CACNA2D3: variants seen among roughly 807,000 people sequenced by gnomAD.
The protein encoded by CACNA2D3 is voltage-dependent calcium channel subunit alpha-2/delta-3.
A neutral mutation model predicts 160.6 loss-of-function variants in CACNA2D3; 60 were observed. That is an observed-to-expected ratio of 0.37 (90% CI 0.30 to 0.46). CACNA2D3 has a LOEUF of 0.46. CACNA2D3 is among the 20% of genes least tolerant of loss of function. CACNA2D3 has a pLI of 1.00. For missense variants in CACNA2D3, 1,205 were observed against 1,365.0 expected (o/e 0.88, Z 1.85); for synonymous variants, 558 against 492.9 (o/e 1.13, Z -1.75).
At chr3:54,613,137 G>A (rs1698778847) in intron 9 of CACNA2D3, among the ~76,000 whole-genome samples, 1 of 152,172 alleles carries the variant, frequency 6.6e-6, no homozygotes, top group African/African-American at 2.4e-5. Context: ...ACCTCTTACA[G>A]TGTACATTAT....
chr3:54,140,612 G>T (rs1015724895), intron 2 of CACNA2D3, among the ~76,000 whole-genome samples: 1 of 152,214 alleles, frequency 6.6e-6, no homozygotes. Flanking sequence ...TCCAGGCTTC[G>T]TGTTCAGACA....
chr3:54,419,452 A>G (rs1265290294), intron 4 of CACNA2D3, among the ~76,000 whole-genome samples: 3 of 152,240 alleles, frequency 2.0e-5, no homozygotes, highest in African/African-American at 7.2e-5. Flanking sequence ...AACACGAACA[A>G]GAGACTGCTG....
intron 2 of CACNA2D3, among the ~76,000 whole-genome samples, chr3:54,181,727 C>T (rs540639948): frequency 1.3e-3 from 204 of 152,196 alleles, no homozygotes; most frequent in Non-Finnish European, 2.1e-3. Flanking sequence ...ACAATTCTTG[C>T]GAGCTGGCCA....
At position 54,418,817 on chromosome 3, in the gene CACNA2D3, C is replaced by T. The variant is rs143803826; in HGVS notation, c.381+32043C>T. On this transcript the variant is annotated intron_variant, in intron 4 of 37. Transcript: ENST00000474759. ...ATACTGTTTGGTAGAGATGATGATC[C>T]CAGTTTGGGGTAACCTTTATTATTA... Among the ~76,000 whole-genome samples the T allele has an allele frequency of 2.7e-3, 416 of 152,272 alleles. 3 individuals carry two copies. The highest frequency in any genetic ancestry group is 9.0e-3 in the Admixed American group (137 of 15,306).
intron 2 of CACNA2D3, among the ~76,000 whole-genome samples, chr3:54,145,468 T>A (rs998434910): frequency 6.6e-6 from 1 of 152,214 alleles, no homozygotes. Context: ...TTTTTTCTTT[T>A]AGGGAAGTGT....
At chr3:54,914,614 G>T (rs1700623172) in intron 27 of CACNA2D3, among the ~76,000 whole-genome samples, 1 of 152,124 alleles carries the variant, frequency 6.6e-6, no homozygotes, top group Non-Finnish European at 1.5e-5. Flanking sequence ...AAATAAAAAA[G>T]AATCTGAAAG....
At chr3:54,279,694 G>C (rs1189745523) in intron 2 of CACNA2D3, among the ~76,000 whole-genome samples, 2 of 152,150 alleles carry the variant, frequency 1.3e-5, no homozygotes, top group Non-Finnish European at 2.9e-5. Flanking sequence ...GTAGAGCTCT[G>C]GCTTAGTCCT....
intron 27 of CACNA2D3, among the ~76,000 whole-genome samples, chr3:54,907,010 A>G (rs1033069383): frequency 6.6e-6 from 1 of 152,186 alleles, no homozygotes; most frequent in African/African-American, 2.4e-5. Context: ...GAGAAACTGG[A>G]TCCTCTGTGC....
At chr3:54,886,223 C>G (rs1000906346) in intron 23 of CACNA2D3, among the ~76,000 whole-genome samples, 19 of 152,072 alleles carry the variant, frequency 1.2e-4, no homozygotes, top group Non-Finnish European at 1.2e-4. Flanking sequence ...CCACCTCTAA[C>G]AAGCATCATG....
intron 2 of CACNA2D3, among the ~76,000 whole-genome samples, chr3:54,163,947 C>T (rs1474162447): frequency 6.6e-6 from 1 of 152,164 alleles, no homozygotes; most frequent in Admixed American, 6.5e-5. Flanking sequence ...GTGGTTGGTT[C>T]CTGGAGAGGG....
chr3:54,917,709 C>G (rs1257042848), intron 27 of CACNA2D3, among the ~76,000 whole-genome samples: 10 of 152,154 alleles, frequency 6.6e-5, no homozygotes, highest in African/African-American at 1.7e-4. Context: ...TTGGTAATAT[C>G]TGCCCCAAAT....
intron 35 of CACNA2D3, among the ~76,000 whole-genome samples, chr3:55,041,701 AT>A (rs1395889177): frequency 2.7e-5 from 4 of 150,904 alleles, no homozygotes; most frequent in Non-Finnish European, 5.9e-5. Flanking sequence ...GATTTCTTCT[AT>A]TTTCTTTGGG....
intron 17 of CACNA2D3, among the ~76,000 whole-genome samples, chr3:54,868,132 G>C (rs1448955031): frequency 2.0e-5 from 3 of 152,204 alleles, no homozygotes; most frequent in African/African-American, 7.2e-5. Context: ...TAGTACATTA[G>C]AGTTGTCTCA....
chr3:54,961,444 G>C (rs1450306489), intron 27 of CACNA2D3, among the ~76,000 whole-genome samples: 8 of 152,174 alleles, frequency 5.3e-5, no homozygotes, highest in Non-Finnish European at 7.3e-5. Flanking sequence ...TATTGTAGTT[G>C]TATTCCCTCT....
At chr3:55,035,201 A>T (rs572125946) in intron 35 of CACNA2D3, among the ~76,000 whole-genome samples, 1 of 152,304 alleles carries the variant, frequency 6.6e-6, no homozygotes, top group Non-Finnish European at 1.5e-5. Context: ...GTAGTGATAG[A>T]CATGTTTATA....
Position 54,383,682 on chromosome 3 carries a change from C to T in CACNA2D3, c.322-3033C>T, listed in dbSNP as rs139851889. 2.6e-3 allele frequency among the ~76,000 whole-genome samples: 390 copies of T among 152,026 alleles called. 4 individuals are homozygous for T. The highest frequency in any genetic ancestry group is 8.5e-3 in the African/African-American group (352 of 41,456). Reference sequence around the variant, plus strand: ...GATTAGCAAGGATGACACGCAAATTCGCGGAGTTCCCTATTAGAAAAAAAA... The same window carrying T: ...GATTAGCAAGGATGACACGCAAATTTGCGGAGTTCCCTATTAGAAAAAAAA... On this transcript the variant is annotated intron_variant, in intron 3 of 37. Transcript: ENST00000474759.
chr3:55,052,973 AT>A (rs1032048387), intron 35 of CACNA2D3, among the ~76,000 whole-genome samples: 1 of 152,016 alleles, frequency 6.6e-6, no homozygotes, highest in African/African-American at 2.4e-5. Flanking sequence ...TGGGCCATTT[AT>A]TTTTTTTAAA....
chr3:54,201,759 A>G (rs1460983548), intron 2 of CACNA2D3, among the ~76,000 whole-genome samples: 1 of 152,246 alleles, frequency 6.6e-6, no homozygotes, highest in Non-Finnish European at 1.5e-5. Flanking sequence ...GAAAAAATTG[A>G]ATTGACAACA....
chr3:54,175,613 CAA>C (rs1163953295), intron 2 of CACNA2D3, among the ~76,000 whole-genome samples: 3,064 of 90,326 alleles, frequency 0.034, 47 homozygotes, highest in East Asian at 0.2. Context: ...GACTCTGTCT[CAA>C]AAAAAAAAAA....
Sources: allele counts gnomAD v4.1 joint callset (sites outside exome capture counted in the v4.1 genomes callset), GRCh38; gene constraint gnomAD v4.1.1; transcripts MANE v1.5; gene names NCBI Gene and HGNC (gene_info 2026-07-23, HGNC 2026-07-21).